The following NINL variants were observed in gnomAD, a reference collection of about 807,000 sequenced individuals.
The protein encoded by NINL is ninein like.
Under a neutral mutation model 160.3 loss-of-function variants are expected in NINL, and 153 were observed. The ratio of observed to expected loss-of-function variants is 0.95; its 90% CI spans 0.84 to 1.09. The LOEUF (loss-of-function observed/expected upper bound fraction) is 1.09, where lower values mean the gene tolerates loss of function less well. Ranked by LOEUF, NINL falls within the 50% of genes least tolerant of loss-of-function variation. The pLI is 0.00. For synonymous variants in NINL, 800 were observed against 734.8 expected, an observed-to-expected ratio of 1.09 and a Z score of -1.43; for missense variants, 1,829 against 1,764.0, an observed-to-expected ratio of 1.04 and a Z score of -0.66.
At chr20:25,554,839 T>G (rs1430491837) in intron 1 of NINL, among the ~76,000 whole-genome samples, 3 of 151,972 alleles carry the variant, frequency 2.0e-5, no homozygotes, top group Non-Finnish European at 4.4e-5. Flanking sequence ...AAAACCTGTG[T>G]CTGGTAACTG....
intron 1 of NINL, among the ~76,000 whole-genome samples, chr20:25,532,865 C>T (rs944242802): frequency 1.3e-5 from 2 of 152,238 alleles, no homozygotes; most frequent in Admixed American, 1.3e-4. Context: ...GTCCTCCCCT[C>T]ACCCCAGGAA....
intron 18 of NINL, 89 bp from the exon 19 acceptor site, chr20:25,467,547 G>A: frequency 2.0e-6 from 2 of 994,586 alleles, no homozygotes; most frequent in Admixed American, 3.4e-5. Context: ...GAGCAGCATG[G>A]GGGTTTGTAG....
At chr20:25,567,176 G>T (rs1288357704) in intron 1 of NINL, among the ~76,000 whole-genome samples, 2 of 152,100 alleles carry the variant, frequency 1.3e-5, no homozygotes, top group African/African-American at 4.8e-5. Context: ...GTAGAGGAAA[G>T]AATCAACGAG....
chr20:25,490,436 T>G (rs1396388866), intron 11 of NINL, among the ~76,000 whole-genome samples: 1 of 151,782 alleles, frequency 6.6e-6, no homozygotes, highest in Non-Finnish European at 1.5e-5. Flanking sequence ...GGCGGGAGCC[T>G]GTAGTTCCAG....
At chr20:25,515,212 A>T (rs1443208904) in intron 3 of NINL, among the ~76,000 whole-genome samples, 1 of 152,214 alleles carries the variant, frequency 6.6e-6, no homozygotes, top group African/African-American at 2.4e-5. Context: ...CACCCCTTGC[A>T]TTGGTGTGGC....
rs886554410 is a variant in NINL, at chr20:25,526,716, T to C, written c.-11-118A>G. ...CCAAGCAGACGCAGGAGCTGGCATG[T>C]GGGGAAGGCACCAGGGACCCTTGCA... On this transcript the variant is annotated intron_variant, in intron 1 of 23. Coordinates refer to ENST00000278886, the MANE Select transcript of NINL (RefSeq NM_025176.6). The C allele has an allele frequency of 4.7e-6, 5 of 1,063,926 alleles. No homozygotes were observed. In the Admixed American group the frequency reaches 9.8e-5, roughly 21 times the overall value. The allele number at this position is 1,063,926 out of a possible 1,614,324, so 65.9% of individuals were successfully genotyped here.
chr20:25,462,114 G>A (rs2062804403), intron 20 of NINL, among the ~76,000 whole-genome samples: 1 of 152,196 alleles, frequency 6.6e-6, no homozygotes, highest in African/African-American at 2.4e-5. Context: ...ACTTTCTTCA[G>A]CCTCTAAGTG....
intron 5 of NINL, among the ~76,000 whole-genome samples, chr20:25,508,848 ATCCCGCAGTTTGC>A (rs890323707): frequency 2.6e-5 from 4 of 151,716 alleles, no homozygotes; most frequent in African/African-American, 4.8e-5. Context: ...GCTGCTAAGG[ATCCCGCAGTTTGC>A]TCCCTACACG....
chr20:25,496,641 A>C, intron 10 of NINL, 22 bp downstream of exon 10: 1 of 1,603,086 alleles, frequency 6.2e-7, no homozygotes, highest in Non-Finnish European at 8.5e-7. Context: ...GTAAGAATCC[A>C]CCACCTGGGC....
At chr20:25,542,861 C>A (rs59366271) in intron 1 of NINL, among the ~76,000 whole-genome samples, 3,206 of 150,640 alleles carry the variant, frequency 0.021, 102 homozygotes, top group African/African-American at 0.073. Flanking sequence ...TGAAACCCCC[C>A]CTCTCTACTA....
At chr20:25,539,751 C>A (rs1032843238) in intron 1 of NINL, among the ~76,000 whole-genome samples, 1 of 152,226 alleles carries the variant, frequency 6.6e-6, no homozygotes, top group Non-Finnish European at 1.5e-5. Context: ...GAGCCCACAG[C>A]GTGTGAGCCG....
At chr20:25,527,770 G>A (rs745740819) in intron 1 of NINL, among the ~76,000 whole-genome samples, 6 of 152,134 alleles carry the variant, frequency 3.9e-5, no homozygotes, top group Non-Finnish European at 8.8e-5. Flanking sequence ...ACTGCTGGAG[G>A]AAGGAATTGG....
rs1375807412 is a variant in NINL, at chr20:25,585,521, C to A, written c.-78G>T. 6.6e-6 allele frequency: 1 copy of A among 152,222 alleles called. No individual in the cohort carries two copies. The highest frequency in any genetic ancestry group is 1.5e-5 in the Non-Finnish European group (1 of 68,034). 9.4% of individuals were successfully genotyped at this position (152,222 alleles called of 1,614,324 possible). ...CGCGGCACCACCCCCGTACCGCCGG[C>A]CGCTCTTTGTGTCTGGAGGCCGCGA... On this transcript the variant is annotated 5_prime_UTR_variant, in exon 1 of 24. Transcript: ENST00000278886.
At chr20:25,550,031 T>C (rs1385847674) in intron 1 of NINL, among the ~76,000 whole-genome samples, 1 of 152,218 alleles carries the variant, frequency 6.6e-6, no homozygotes, top group African/African-American at 2.4e-5. Flanking sequence ...GGCATCTGTG[T>C]ATCAAAAGGA....
chr20:25,542,869 C>T (rs112892081), intron 1 of NINL, among the ~76,000 whole-genome samples: 1,676 of 150,482 alleles, frequency 0.011, 14 homozygotes, highest in African/African-American at 0.028. Context: ...CCCCTCTCTA[C>T]TAAAAACACA....
chr20:25,551,618 G>A (rs147335116), intron 1 of NINL, among the ~76,000 whole-genome samples: 78 of 152,230 alleles, frequency 5.1e-4, no homozygotes, highest in African/African-American at 1.8e-3. Flanking sequence ...TGTGAGGTGG[G>A]GGCAGGCAGG....
intron 13 of NINL, among the ~76,000 whole-genome samples, chr20:25,483,046 G>T (rs995674092): frequency 1.3e-5 from 2 of 149,580 alleles, no homozygotes; most frequent in African/African-American, 2.5e-5. Context: ...AATAAATAAA[G>T]AAAAGAGGCC....
chr20:25,557,479 C>A (rs1486671742), intron 1 of NINL, among the ~76,000 whole-genome samples: 1 of 151,040 alleles, frequency 6.6e-6, no homozygotes, highest in Non-Finnish European at 1.5e-5. Context: ...TTCAGTGAGC[C>A]GAGATCACAC....
chr20:25,492,633 T>C (rs1308283412), intron 10 of NINL, among the ~76,000 whole-genome samples: 5 of 152,072 alleles, frequency 3.3e-5, no homozygotes, highest in Non-Finnish European at 7.4e-5. Context: ...TTGTATTTTT[T>C]AGTAGAGACG....
Sources: allele counts gnomAD v4.1 joint callset (sites outside exome capture counted in the v4.1 genomes callset), GRCh38; gene constraint gnomAD v4.1.1; transcripts MANE v1.5; gene names NCBI Gene and HGNC (gene_info 2026-07-23, HGNC 2026-07-21).